MLLT3: variants seen among roughly 807,000 people sequenced by gnomAD.
The protein encoded by MLLT3 is protein AF-9.
Under a neutral mutation model 53.2 loss-of-function variants are expected in MLLT3, and 4 were observed. The observed-to-expected ratio is 0.08, with a 90% CI of 0.04 to 0.17. The LOEUF is 0.17. MLLT3 is among the 10% of genes least tolerant of loss of function. The probability of loss-of-function intolerance (pLI) is 1.00; values close to 1 mark genes in which losing one functional copy is unlikely to be tolerated. For missense variants in MLLT3, 569 were observed against 684.0 expected (o/e 0.83, Z 1.87); for synonymous variants, 283 against 230.6 (o/e 1.23, Z -2.06).
At chr9:20,547,291 C>T (rs1818812664) in intron 2 of MLLT3, among the ~76,000 whole-genome samples, 1 of 151,910 alleles carries the variant, frequency 6.6e-6, no homozygotes, top group African/African-American at 2.4e-5. Flanking sequence ...GCCTCAACCT[C>T]CTAAAGTGCT....
chr9:20,600,332 C>G (rs915098910), intron 2 of MLLT3, among the ~76,000 whole-genome samples: 2 of 152,176 alleles, frequency 1.3e-5, no homozygotes, highest in African/African-American at 4.8e-5. Context: ...AGAACCACGT[C>G]TGTTTTGTTG....
chr9:20,354,045 A>C (rs1210182901), intron 9 of MLLT3, among the ~76,000 whole-genome samples: 2 of 152,210 alleles, frequency 1.3e-5, no homozygotes, highest in Non-Finnish European at 2.9e-5. Flanking sequence ...TTACCAATTA[A>C]GTCAGGGGAA....
intron 5 of MLLT3, among the ~76,000 whole-genome samples, chr9:20,383,874 T>A (rs571832499): frequency 6.6e-6 from 1 of 151,966 alleles, no homozygotes; most frequent in Non-Finnish European, 1.5e-5. Flanking sequence ...AGGACTTCTA[T>A]ACAAACAGAA....
chr9:20,407,819 A>G (rs548375202), intron 5 of MLLT3, among the ~76,000 whole-genome samples: 1 of 152,286 alleles, frequency 6.6e-6, no homozygotes, highest in African/African-American at 2.4e-5. Context: ...AATGAGTTAA[A>G]TCATGTTAAG....
chr9:20,457,432 A>G (rs1823998654), intron 2 of MLLT3, among the ~76,000 whole-genome samples: 1 of 151,468 alleles, frequency 6.6e-6, no homozygotes, highest in African/African-American at 2.4e-5. Context: ...TATTTTTAGT[A>G]GAGATGGGGT....
At chr9:20,541,944 T>C (rs116468595) in intron 2 of MLLT3, among the ~76,000 whole-genome samples, 3,123 of 152,314 alleles carry the variant, frequency 0.021, 107 homozygotes, top group African/African-American at 0.07. Context: ...TGTTGATATT[T>C]TGACCCCCTC....
intron 2 of MLLT3, among the ~76,000 whole-genome samples, chr9:20,565,244 T>C (rs778726393): frequency 5.9e-5 from 9 of 152,144 alleles, no homozygotes; most frequent in Non-Finnish European, 1.3e-4. Flanking sequence ...AGTGTGTTAC[T>C]GATCAAACTG....
intron 2 of MLLT3, among the ~76,000 whole-genome samples, chr9:20,525,086 G>GA (rs1177738848): frequency 6.8e-6 from 1 of 147,030 alleles, no homozygotes; most frequent in Admixed American, 6.8e-5. Context: ...GGAGACAGGG[G>GA]AGAGGATATG....
intron 2 of MLLT3, among the ~76,000 whole-genome samples, chr9:20,619,124 G>C (rs895284615): frequency 6.6e-6 from 1 of 152,158 alleles, no homozygotes; most frequent in East Asian, 1.9e-4. Context: ...ATAGAAATTT[G>C]ACATCGCTCA....
chr9:20,508,107 G>C (rs1299602101), intron 2 of MLLT3, among the ~76,000 whole-genome samples: 1 of 152,088 alleles, frequency 6.6e-6, no homozygotes, highest in East Asian at 1.9e-4. Context: ...CTACTAACCA[G>C]AATCACAGAT....
intron 2 of MLLT3, among the ~76,000 whole-genome samples, chr9:20,618,995 G>A (rs1013539727): frequency 3.9e-5 from 6 of 152,138 alleles, no homozygotes; most frequent in Admixed American, 2.6e-4. Flanking sequence ...CCAAGTAGTA[G>A]TAATAATGTG....
rs528375057 is a variant in MLLT3, at chr9:20,541,529, C to T, written c.193+79125G>A. Among the ~76,000 whole-genome samples the T allele has an allele frequency of 2.6e-5, 4 of 152,292 alleles. No homozygotes were observed. In the South Asian group the frequency reaches 6.2e-4, roughly 24 times the overall value. On this transcript the variant is annotated intron_variant, in intron 2 of 10. Transcript: ENST00000380338. ...ACATCTCACATGGCAGCAGGAGAGA[C>T]AGCACAAAGGAGGACCTGCCACACT... is the stretch of plus-strand genomic sequence containing the variant.
intron 2 of MLLT3, among the ~76,000 whole-genome samples, chr9:20,495,454 A>C (rs1159335660): frequency 6.6e-6 from 1 of 152,196 alleles, no homozygotes; most frequent in African/African-American, 2.4e-5. Flanking sequence ...GCACGTTCTA[A>C]GTTGTAGAAA....
rs183513980 is a variant in MLLT3, at chr9:20,496,499, G to A, written c.194-39713C>T. 1.8e-3 allele frequency among the ~76,000 whole-genome samples: 281 copies of A among 151,932 alleles called. 1 individual carries two copies. The highest frequency in any genetic ancestry group is 0.017 in the Middle Eastern group (5 of 294). On this transcript the variant is annotated intron_variant, in intron 2 of 10. Transcript: ENST00000380338. ...TATATTTGTTTAGCATAATTGACACGTCACATGAGTACAGGGGAGGTTAGG... is the reference window on the plus strand; with the variant it reads ...TATATTTGTTTAGCATAATTGACACATCACATGAGTACAGGGGAGGTTAGG...
chr9:20,534,570 A>G (rs536335027), intron 2 of MLLT3, among the ~76,000 whole-genome samples: 1 of 152,202 alleles, frequency 6.6e-6, no homozygotes, highest in Non-Finnish European at 1.5e-5. Flanking sequence ...CAATAAGCAC[A>G]CTAAACACAT....
chr9:20,592,656 T>C (rs1337669499), intron 2 of MLLT3, among the ~76,000 whole-genome samples: 1 of 152,202 alleles, frequency 6.6e-6, no homozygotes, highest in Non-Finnish European at 1.5e-5. Context: ...CATAACATTA[T>C]AACTGGCTAT....
chr9:20,548,690 G>T (rs1818850571), intron 2 of MLLT3, among the ~76,000 whole-genome samples: 1 of 152,144 alleles, frequency 6.6e-6, no homozygotes, highest in Admixed American at 6.5e-5. Flanking sequence ...TGGGCAGCAG[G>T]CTGATAAAAA....
At chr9:20,390,032 T>C (rs1204894513) in intron 5 of MLLT3, among the ~76,000 whole-genome samples, 2 of 152,316 alleles carry the variant, frequency 1.3e-5, no homozygotes, top group East Asian at 3.9e-4. Flanking sequence ...CAGATTATTA[T>C]GGAAGTTCCT....
rs1375195765 is a variant in MLLT3 at position 20,446,013 on chromosome 9, A to T, written c.420+2110T>A. ...GGTATCAATAATATAAGGCAGTCAA[A>T]AATCTAGGTAAGCCAAAAGATGTTT... On this transcript the variant is annotated intron_variant, in intron 4 of 10. Transcript: ENST00000380338. Among the ~76,000 whole-genome samples, 3 of 152,204 alleles carry T rather than the reference A, an allele frequency of 2.0e-5. No homozygotes were observed. In the South Asian group the frequency reaches 6.2e-4, roughly 32 times the overall value.
Sources: allele counts gnomAD v4.1 joint callset (sites outside exome capture counted in the v4.1 genomes callset), GRCh38; gene constraint gnomAD v4.1.1; transcripts MANE v1.5; gene names NCBI Gene and HGNC (gene_info 2026-07-23, HGNC 2026-07-21).